Variants in MEIS2 observed in about 807,000 individuals in gnomAD.
The protein encoded by MEIS2 is homeobox protein Meis2.
Under a neutral mutation model 58.6 loss-of-function variants are expected in MEIS2, and 9 were observed. The ratio of observed to expected loss-of-function variants is 0.15; its 90% CI spans 0.09 to 0.27. The LOEUF (loss-of-function observed/expected upper bound fraction) is 0.27, where lower values mean the gene tolerates loss of function less well. MEIS2 is among the 10% of genes least tolerant of loss of function. MEIS2 has a pLI of 1.00. For synonymous variants in MEIS2, 221 were observed against 228.4 expected, an observed-to-expected ratio of 0.97 and a Z score of 0.29; for missense variants, 427 against 635.0, an observed-to-expected ratio of 0.67 and a Z score of 3.52.
In MEIS2 at chr15:36,959,160, G is replaced by T. The variant is rs117008406; in HGVS notation, c.901-8760C>A. On this transcript the variant is annotated intron_variant, in intron 8 of 11. Transcript: ENST00000561208. The stretch of plus-strand genomic sequence containing the variant: ...CCTCGCTGGCTTTCCTCTCTTTTAA[G>T]ATGTCCCTGATTTCTCCAGTGAAAA... 4.9e-3 allele frequency among the ~76,000 whole-genome samples: 749 copies of T among 152,276 alleles called. 19 individuals carry two copies. The East Asian group carries it at 0.08, about 16-fold the overall frequency.
chr15:37,072,974 G>A (rs755209625), intron 7 of MEIS2, among the ~76,000 whole-genome samples: 9 of 151,922 alleles, frequency 5.9e-5, no homozygotes, highest in African/African-American at 9.7e-5. Context: ...GTATTTATTC[G>A]TTTACCTTTC....
chr15:37,060,222 T>C (rs2141837981), intron 7 of MEIS2, among the ~76,000 whole-genome samples: 1 of 152,318 alleles, frequency 6.6e-6, no homozygotes, highest in Non-Finnish European at 1.5e-5. Flanking sequence ...ATTACAGGCA[T>C]GAGCAAACTC....
intron 9 of MEIS2, among the ~76,000 whole-genome samples, chr15:36,941,224 C>A (rs144351877): frequency 3.0e-4 from 46 of 152,258 alleles, no homozygotes; most frequent in African/African-American, 1.1e-3. Flanking sequence ...TTGGAATTTA[C>A]CCTAACTAAC....
chr15:36,966,758 A>C (rs1181580804), intron 8 of MEIS2, among the ~76,000 whole-genome samples: 1 of 152,216 alleles, frequency 6.6e-6, no homozygotes, highest in African/African-American at 2.4e-5. Context: ...AACAAACTTC[A>C]TGAAGACAAA....
chr15:37,048,631 C>G (rs1025101300), intron 7 of MEIS2, among the ~76,000 whole-genome samples: 2 of 151,752 alleles, frequency 1.3e-5, no homozygotes, highest in African/African-American at 4.8e-5. Context: ...AAAATGAAAA[C>G]AAAAGAATAT....
intron 6 of MEIS2, 80 bp downstream of exon 6, chr15:37,093,501 T>C: frequency 3.3e-6 from 5 of 1,498,678 alleles, no homozygotes; most frequent in Non-Finnish European, 2.7e-6. Context: ...ACTAAATCAG[T>C]GGAGCTAGAT....
intron 8 of MEIS2, among the ~76,000 whole-genome samples, chr15:36,993,408 T>C (rs952534480): frequency 3.9e-5 from 6 of 152,152 alleles, no homozygotes; most frequent in African/African-American, 1.4e-4. Flanking sequence ...AAATGGTAGA[T>C]GGATCTCTTA....
chr15:37,067,220 GCTGTGATTA>G (rs1890071768), intron 7 of MEIS2, among the ~76,000 whole-genome samples: 1 of 151,534 alleles, frequency 6.6e-6, no homozygotes, highest in Non-Finnish European at 1.5e-5. Flanking sequence ...CTCCCAAGCA[GCTGTGATTA>G]CAGGTGTGCA....
At chr15:37,060,028 T>A (rs73395418) in intron 7 of MEIS2, among the ~76,000 whole-genome samples, 3,283 of 152,248 alleles carry the variant, frequency 0.022, 120 homozygotes, top group African/African-American at 0.075. Flanking sequence ...TGAGCTATGA[T>A]ACGGTCCTCA....
At chr15:36,905,695 G>T (rs565979340) in intron 9 of MEIS2, among the ~76,000 whole-genome samples, 1 of 152,250 alleles carries the variant, frequency 6.6e-6, no homozygotes, top group South Asian at 2.1e-4. Flanking sequence ...TCACACATTG[G>T]TAAATCTTCC....
intron 9 of MEIS2, among the ~76,000 whole-genome samples, chr15:36,910,531 C>T (rs1012980798): frequency 2.9e-4 from 44 of 152,078 alleles, no homozygotes; most frequent in Middle Eastern, 3.2e-3. Context: ...GAAAATGAAG[C>T]GGCATCCTAA....
intron 8 of MEIS2, among the ~76,000 whole-genome samples, chr15:37,011,779 C>A (rs73393542): frequency 6.6e-6 from 1 of 151,722 alleles, no homozygotes; most frequent in African/African-American, 2.4e-5. Context: ...ACCACCACAC[C>A]TGGCTAATTT....
chr15:36,909,600 T>C (rs1466547054), intron 9 of MEIS2, among the ~76,000 whole-genome samples: 2 of 152,110 alleles, frequency 1.3e-5, no homozygotes, highest in African/African-American at 4.8e-5. Flanking sequence ...CTAATTATTT[T>C]TGTACTCACA....
intron 9 of MEIS2, among the ~76,000 whole-genome samples, chr15:36,947,370 A>C (rs190993988): frequency 1.2e-4 from 18 of 151,988 alleles, no homozygotes; most frequent in African/African-American, 4.3e-4. Context: ...TTATCTCCTA[A>C]ACTTCCTTTT....
chr15:37,095,475 T>C, intron 4 of MEIS2, 89 bp downstream of exon 4: 1 of 1,595,310 alleles, frequency 6.3e-7, no homozygotes, highest in East Asian at 2.2e-5. Flanking sequence ...GGTTCTGTTC[T>C]AACTCCCCAG....
At chr15:37,032,064 T>G (rs1438661148) in intron 8 of MEIS2, among the ~76,000 whole-genome samples, 2 of 152,138 alleles carry the variant, frequency 1.3e-5, no homozygotes, top group Admixed American at 6.6e-5. Flanking sequence ...GGTGTCAAAC[T>G]CCTAGCCCCA....
At position 37,100,215 on chromosome 15, in the gene MEIS2, C is replaced by G. The variant is rs1362666369; in HGVS notation, c.-749G>C. The G allele has an allele frequency of 6.6e-6, 1 of 152,536 alleles. No individual in the cohort carries two copies. 9.4% of individuals were successfully genotyped at this position (152,536 alleles called of 1,614,324 possible). On this transcript the variant is annotated 5_prime_UTR_variant, in exon 1 of 12. Transcript: ENST00000561208. ...GTTTGCAAAAATTGGACTTCCTCCC[C>G]CCCTTTCCTGGTAGGTATTTTGTCT... is the stretch of plus-strand genomic sequence containing the variant.
At chr15:36,944,333 C>G (rs1203630444) in intron 9 of MEIS2, among the ~76,000 whole-genome samples, 1 of 152,170 alleles carries the variant, frequency 6.6e-6, no homozygotes, top group East Asian at 1.9e-4. Context: ...AATTGTAGGT[C>G]TCCAAGAAAT....
intron 11 of MEIS2, among the ~76,000 whole-genome samples, chr15:36,893,889 C>T (rs1366670818): frequency 6.6e-6 from 1 of 152,204 alleles, no homozygotes; most frequent in Non-Finnish European, 1.5e-5. Context: ...TATTCAGCCT[C>T]ATTAAACAAG....
Sources: allele counts gnomAD v4.1 joint callset (sites outside exome capture counted in the v4.1 genomes callset), GRCh38; gene constraint gnomAD v4.1.1; transcripts MANE v1.5; gene names NCBI Gene and HGNC (gene_info 2026-07-23, HGNC 2026-07-21).